RBFOX1: variants seen among roughly 807,000 people sequenced by gnomAD.
The protein encoded by RBFOX1 is RNA binding fox-1 homolog 1.
A neutral mutation model predicts 57.7 loss-of-function variants in RBFOX1; 8 were observed. The ratio of observed to expected loss-of-function variants is 0.14; its 90% CI spans 0.08 to 0.25. The LOEUF (loss-of-function observed/expected upper bound fraction) is 0.25, where lower values mean the gene tolerates loss of function less well. Among genes scored for constraint, RBFOX1 ranks in the 10% least tolerant of loss-of-function variants. The pLI, the probability that RBFOX1 is intolerant of heterozygous loss-of-function variation, is 1.00. For synonymous variants in RBFOX1, 326 were observed against 222.4 expected (o/e 1.47, Z -4.15); for missense variants, 611 against 548.5 (o/e 1.11, Z -1.14).
At chr16:5,948,890 C>T (rs1251280349) in intron 4 of RBFOX1, among the ~76,000 whole-genome samples, 1 of 152,194 alleles carries the variant, frequency 6.6e-6, no homozygotes, top group South Asian at 2.1e-4. Context: ...CCATTTTATT[C>T]ACTCACCCAA....
intron 3 of RBFOX1, among the ~76,000 whole-genome samples, chr16:5,606,975 T>C (rs1191125579): frequency 6.6e-6 from 1 of 152,192 alleles, no homozygotes; most frequent in African/African-American, 2.4e-5. Context: ...GTGTGGCCAC[T>C]GAAAGGTTTT....
At chr16:7,061,427 C>T (rs1047313617) in intron 4 of RBFOX1, among the ~76,000 whole-genome samples, 13 of 152,172 alleles carry the variant, frequency 8.5e-5, no homozygotes, top group African/African-American at 2.9e-4. Context: ...ATTTCTCCAA[C>T]TTCATTGTGA....
rs1300496833 is a variant in RBFOX1, at chr16:6,365,948, C to G, written c.-64+48891C>G. Among the ~76,000 whole-genome samples the G allele has an allele frequency of 1.3e-5, 2 of 151,882 alleles. 1 individual carries two copies. Among genetic ancestry groups the G allele is most frequent in the Non-Finnish European group, 2.9e-5 (2 of 67,952 alleles). Reference sequence around the variant, plus strand: ...ACTTCAACTGCTGCTAAGGATCTTTCTTGTTTTTACTTTCCCCTCCTTCTC... The same window carrying G: ...ACTTCAACTGCTGCTAAGGATCTTTGTTGTTTTTACTTTCCCCTCCTTCTC... On this transcript the variant is annotated intron_variant, in intron 2 of 15. Coordinates refer to ENST00000550418, the MANE Select transcript of RBFOX1 (RefSeq NM_018723.4).
chr16:6,576,179 A>G (rs1390616754), intron 2 of RBFOX1, among the ~76,000 whole-genome samples: 2 of 151,942 alleles, frequency 1.3e-5, no homozygotes, highest in Non-Finnish European at 2.9e-5. Flanking sequence ...TCATTTTGCA[A>G]CCTGCTTATT....
At chr16:7,248,383 T>C (rs1442791441) in intron 4 of RBFOX1, among the ~76,000 whole-genome samples, 1 of 152,202 alleles carries the variant, frequency 6.6e-6, no homozygotes, top group Non-Finnish European at 1.5e-5. Context: ...TATGTGGGTA[T>C]CAGAATACAT....
At chr16:7,128,272 C>G (rs902160342) in intron 4 of RBFOX1, among the ~76,000 whole-genome samples, 1 of 152,176 alleles carries the variant, frequency 6.6e-6, no homozygotes, top group East Asian at 1.9e-4. Flanking sequence ...TCCTTGAATC[C>G]TCACAATAAT....
At chr16:6,079,627 G>A (rs192994745) in intron 1 of RBFOX1, among the ~76,000 whole-genome samples, 1 of 151,166 alleles carries the variant, frequency 6.6e-6, no homozygotes, top group African/African-American at 2.4e-5. Context: ...AATGGTACAG[G>A]AGTTCAAGAC....
chr16:7,316,137 T>G (rs979552466), intron 4 of RBFOX1, among the ~76,000 whole-genome samples: 4 of 152,166 alleles, frequency 2.6e-5, no homozygotes, highest in Non-Finnish European at 4.4e-5. Flanking sequence ...CCAAGAAGAT[T>G]ATGTGTTTAT....
At position 5,682,050 on chromosome 16, in the gene RBFOX1, G is replaced by T. The variant is rs1351070571; in HGVS notation, c.318+83089G>T. Among the ~76,000 whole-genome samples, 5 of 152,124 alleles carry T rather than the reference G, an allele frequency of 3.3e-5. 1 individual carries two copies. The highest frequency in any genetic ancestry group is 3.3e-4 in the Admixed American group (5 of 15,280). On this transcript the variant is annotated intron_variant, in intron 3 of 19. Coordinates refer to the RBFOX1 transcript ENST00000641259. ...ATATTAGAATGCTCTGCACCTCCTA[G>T]GTCTCTGGGGCTGTGATACATTCAC...
At chr16:7,325,747 G>T (rs1414503006) in intron 4 of RBFOX1, among the ~76,000 whole-genome samples, 3 of 152,186 alleles carry the variant, frequency 2.0e-5, no homozygotes, top group African/African-American at 4.8e-5. Flanking sequence ...TGATGCGGTT[G>T]TGACTTGGGT....
chr16:6,114,270 A>T (rs1160454473), intron 1 of RBFOX1, among the ~76,000 whole-genome samples: 5 of 152,194 alleles, frequency 3.3e-5, no homozygotes. Context: ...GATTTCAGTG[A>T]GGAAATTCTT....
chr16:6,890,348 G>A (rs151268720), intron 3 of RBFOX1, among the ~76,000 whole-genome samples: 108 of 152,198 alleles, frequency 7.1e-4, no homozygotes, highest in African/African-American at 2.6e-3. Context: ...GTGAAACCCC[G>A]TCTCTACTAA....
chr16:6,387,963 G>A (rs922583298), intron 2 of RBFOX1, among the ~76,000 whole-genome samples: 3 of 139,078 alleles, frequency 2.2e-5, no homozygotes, highest in African/African-American at 8.1e-5. Flanking sequence ...GTGACATGAA[G>A]TTTGTGGAAC....
chr16:6,712,644 C>G (rs982642110), intron 3 of RBFOX1, among the ~76,000 whole-genome samples: 1 of 152,100 alleles, frequency 6.6e-6, no homozygotes, highest in Non-Finnish European at 1.5e-5. Context: ...TAGGTCCTAT[C>G]ATGGCGTAGG....
At chr16:7,220,855 C>G (rs541002340) in intron 4 of RBFOX1, among the ~76,000 whole-genome samples, 3 of 152,122 alleles carry the variant, frequency 2.0e-5, no homozygotes, top group African/African-American at 7.2e-5. Flanking sequence ...CCTTAACATC[C>G]CATCCTACTT....
intron 1 of RBFOX1, among the ~76,000 whole-genome samples, chr16:6,196,432 A>G (rs893887357): frequency 2.0e-5 from 3 of 152,190 alleles, no homozygotes; most frequent in African/African-American, 7.2e-5. Flanking sequence ...TAATTTGCAG[A>G]AAACGTTTAA....
At chr16:5,250,321 AGGT>A (rs1330569658) in intron 1 of RBFOX1, among the ~76,000 whole-genome samples, 1 of 152,090 alleles carries the variant, frequency 6.6e-6, no homozygotes, top group Non-Finnish European at 1.5e-5. Flanking sequence ...TTTGTTACAT[AGGT>A]ATACATGTGC....
At chr16:6,238,429 C>G (rs972078294) in intron 1 of RBFOX1, among the ~76,000 whole-genome samples, 2 of 152,132 alleles carry the variant, frequency 1.3e-5, no homozygotes, top group African/African-American at 4.8e-5. Flanking sequence ...AGTGACTCTC[C>G]TCGTAGGATG....
At chr16:5,617,751 C>T (rs1031537263) in intron 3 of RBFOX1, among the ~76,000 whole-genome samples, 9 of 152,106 alleles carry the variant, frequency 5.9e-5, no homozygotes, top group South Asian at 2.1e-4. Flanking sequence ...ATGCTGTGAA[C>T]GGGAAAAACA....
Sources: gnomAD v4.1 joint callset for allele counts (sites outside exome capture counted in the v4.1 genomes callset) on GRCh38, gnomAD v4.1.1 for gene constraint, MANE v1.5 for transcripts, NCBI Gene and HGNC (gene_info 2026-07-23, HGNC 2026-07-21) for gene names.